Variants in CNTNAP4 observed in about 807,000 individuals in gnomAD.
The protein encoded by CNTNAP4 is contactin associated protein family member 4, also known as contactin-associated protein-like 4.
CNTNAP4 carries 98 observed loss-of-function variants against 148.4 expected under a neutral mutation model. That is an observed-to-expected ratio of 0.66 (90% CI 0.56 to 0.78). CNTNAP4 has a LOEUF of 0.78. Among genes scored for constraint, CNTNAP4 ranks in the 30% least tolerant of loss-of-function variants. The probability of loss-of-function intolerance (pLI) is 0.00; values close to 1 mark genes in which losing one functional copy is unlikely to be tolerated. For synonymous variants in CNTNAP4, 730 were observed against 565.1 expected, an observed-to-expected ratio of 1.29 and a Z score of -4.14; for missense variants, 1,935 against 1,565.6, an observed-to-expected ratio of 1.24 and a Z score of -3.98.
Position 76,529,275 on chromosome 16 carries a change from C to A in CNTNAP4, c.2756-6270C>A, listed in dbSNP as rs1196001658. On this transcript the variant is annotated intron_variant, in intron 17 of 23. Transcript: ENST00000611870. Reference sequence around the variant, plus strand: ...GTGTGTGTGTGTGATTTATGCCTATCTTAAAGAGTCCTATTCAGAACTGCC... The same window carrying A: ...GTGTGTGTGTGTGATTTATGCCTATATTAAAGAGTCCTATTCAGAACTGCC... 1.8e-4 allele frequency among the ~76,000 whole-genome samples: 27 copies of A among 151,752 alleles called. 1 individual carries two copies. Among genetic ancestry groups the A allele is most frequent in the Admixed American group, 1.7e-3 (26 of 15,232 alleles).
intron 2 of CNTNAP4, among the ~76,000 whole-genome samples, chr16:76,322,291 G>A (rs763156810): frequency 2.0e-5 from 3 of 152,104 alleles, no homozygotes; most frequent in Non-Finnish European, 4.4e-5. Flanking sequence ...ATCCATAGGT[G>A]TACAGCTCTT....
chr16:76,526,318 A>G (rs559191212), intron 17 of CNTNAP4, among the ~76,000 whole-genome samples: 1 of 152,314 alleles, frequency 6.6e-6, no homozygotes, highest in South Asian at 2.1e-4. Flanking sequence ...TAGGGAAAGT[A>G]TGATGGGAAA....
intron 3 of CNTNAP4, among the ~76,000 whole-genome samples, chr16:76,373,897 CAAA>C (rs71382634): frequency 3.6e-5 from 4 of 112,072 alleles, no homozygotes; most frequent in Admixed American, 9.6e-5. Flanking sequence ...CTCCATCTCA[CAAA>C]AAAAAAAAAA....
At chr16:76,375,491 C>T (rs1324823084) in intron 3 of CNTNAP4, among the ~76,000 whole-genome samples, 1 of 152,168 alleles carries the variant, frequency 6.6e-6, no homozygotes, top group Non-Finnish European at 1.5e-5. Flanking sequence ...TAGGGCTTTG[C>T]ACTGGGGTCT....
chr16:76,488,740 C>G (rs1161904146), intron 12 of CNTNAP4, among the ~76,000 whole-genome samples: 3 of 152,076 alleles, frequency 2.0e-5, no homozygotes, highest in Non-Finnish European at 4.4e-5. Flanking sequence ...TTTATCTGTT[C>G]TTGTGTCTGC....
chr16:76,424,977 T>C (rs141632264), intron 3 of CNTNAP4, among the ~76,000 whole-genome samples: 2 of 152,246 alleles, frequency 1.3e-5, no homozygotes, highest in African/African-American at 4.8e-5. Context: ...GAGACTGTAG[T>C]GCTCTAGAGG....
rs1294504835 is a variant in CNTNAP4, at chr16:76,554,737, T to C, written c.3733+830T>C. 4.6e-5 allele frequency among the ~76,000 whole-genome samples: 7 copies of C among 151,996 alleles called. 1 individual carries two copies. The highest frequency in any genetic ancestry group is 7.4e-5 in the Non-Finnish European group (5 of 68,008). The stretch of plus-strand genomic sequence containing the variant: ...CCAGGGAGATACAATTTTAAAGTTT[T>C]TGTGCCAGTAATATGATTATTCATA... On this transcript the variant is annotated intron_variant, in intron 23 of 23. Coordinates refer to ENST00000611870, the MANE Select transcript of CNTNAP4 (RefSeq NM_033401.5).
At chr16:76,291,213 G>C (rs1959101485) in intron 1 of CNTNAP4, among the ~76,000 whole-genome samples, 1 of 151,904 alleles carries the variant, frequency 6.6e-6, no homozygotes, top group Non-Finnish European at 1.5e-5. Flanking sequence ...TTTCAGTATT[G>C]GGAAACAATT....
intron 13 of CNTNAP4, among the ~76,000 whole-genome samples, chr16:76,491,914 C>G (rs2082238004): frequency 6.6e-6 from 1 of 152,062 alleles, no homozygotes; most frequent in South Asian, 2.1e-4. Flanking sequence ...TTAGGTTTTT[C>G]CGTATCTTGG....
intron 4 of CNTNAP4, among the ~76,000 whole-genome samples, chr16:76,434,788 A>T (rs1305268234): frequency 6.6e-6 from 1 of 152,128 alleles, no homozygotes; most frequent in East Asian, 1.9e-4. Context: ...GCTGCTAAGT[A>T]TGTCTGTGCC....
intron 1 of CNTNAP4, among the ~76,000 whole-genome samples, chr16:76,290,349 C>T (rs139424181): frequency 5.9e-4 from 90 of 152,292 alleles, no homozygotes; most frequent in East Asian, 1.7e-3. Context: ...TCAAGGTTCT[C>T]GCTCTGGCAC....
chr16:76,475,081 G>A (rs2081517886), intron 10 of CNTNAP4, among the ~76,000 whole-genome samples: 2 of 152,008 alleles, frequency 1.3e-5, no homozygotes, highest in African/African-American at 4.8e-5. Context: ...AATACAGGAG[G>A]CAGAACCCCT....
intron 3 of CNTNAP4, among the ~76,000 whole-genome samples, chr16:76,379,629 TAATC>T (rs923461583): frequency 2.6e-5 from 4 of 152,210 alleles, no homozygotes; most frequent in African/African-American, 9.6e-5. Context: ...AAGCACCAAT[TAATC>T]AAGTTTTTCC....
chr16:76,359,740 G>A (rs1026283642), intron 3 of CNTNAP4, among the ~76,000 whole-genome samples: 3 of 152,086 alleles, frequency 2.0e-5, no homozygotes, highest in Non-Finnish European at 4.4e-5. Context: ...GAAAATGCAA[G>A]CTAAACTTTC....
chr16:76,410,257 C>T (rs1266841152), intron 3 of CNTNAP4, among the ~76,000 whole-genome samples: 4 of 151,722 alleles, frequency 2.6e-5, no homozygotes, highest in East Asian at 1.9e-4. Flanking sequence ...ATGTTGTCTA[C>T]AAAGATTGAG....
intron 4 of CNTNAP4, among the ~76,000 whole-genome samples, chr16:76,430,835 G>A (rs574573054): frequency 3.9e-5 from 6 of 152,128 alleles, no homozygotes; most frequent in African/African-American, 7.2e-5. Context: ...TACACAACCC[G>A]TGTTAGATCT....
intron 2 of CNTNAP4, among the ~76,000 whole-genome samples, chr16:76,351,122 A>C (rs1238075852): frequency 6.6e-6 from 1 of 152,218 alleles, no homozygotes; most frequent in Non-Finnish European, 1.5e-5. Context: ...CACGAGGTCA[A>C]ATAACACTTA....
At chr16:76,451,430 A>G (rs1048636134) in intron 7 of CNTNAP4, among the ~76,000 whole-genome samples, 1 of 152,206 alleles carries the variant, frequency 6.6e-6, no homozygotes, top group African/African-American at 2.4e-5. Context: ...CTCATGTGTC[A>G]GCAAATCCCA....
intron 3 of CNTNAP4, among the ~76,000 whole-genome samples, chr16:76,419,337 C>G (rs2079100801): frequency 6.6e-6 from 1 of 151,902 alleles, no homozygotes; most frequent in African/African-American, 2.4e-5. Flanking sequence ...GGAGAATAGC[C>G]CTTTGTTATG....
Sources: allele counts gnomAD v4.1 joint callset (sites outside exome capture counted in the v4.1 genomes callset), GRCh38; gene constraint gnomAD v4.1.1; transcripts MANE v1.5; gene names NCBI Gene and HGNC (gene_info 2026-07-23, HGNC 2026-07-21).